The following PRIM2 variants were observed in gnomAD, a reference collection of about 807,000 sequenced individuals.
PRIM2 encodes the protein DNA primase large subunit.
Under a neutral mutation model 67.3 loss-of-function variants are expected in PRIM2, and 39 were observed. The ratio of observed to expected loss-of-function variants is 0.58; its 90% CI spans 0.45 to 0.76. The LOEUF (loss-of-function observed/expected upper bound fraction) is 0.76, where lower values mean the gene tolerates loss of function less well. Ranked by LOEUF, PRIM2 falls within the 30% of genes least tolerant of loss-of-function variation. PRIM2 has a pLI of 0.00. For synonymous variants in PRIM2, 143 were observed against 198.7 expected, an observed-to-expected ratio of 0.72 and a Z score of 2.36; for missense variants, 398 against 598.7, an observed-to-expected ratio of 0.66 and a Z score of 3.50.
intron 7 of PRIM2, among the ~76,000 whole-genome samples, chr6:57,410,331 C>CAAAAAAAA (rs66631802): frequency 9.5e-6 from 1 of 105,380 alleles, no homozygotes; most frequent in Admixed American, 1.1e-4. Context: ...AACGCCATCT[C>CAAAAAAAA]AAAAAAAAAA....
At chr6:57,475,112 A>G (rs2127403376) in intron 7 of PRIM2, among the ~76,000 whole-genome samples, 1 of 152,288 alleles carries the variant, frequency 6.6e-6, no homozygotes, top group African/African-American at 2.4e-5. Flanking sequence ...AACAATTAAT[A>G]TGTTTCCTCT....
intron 6 of PRIM2, 91 bp from the exon 7 acceptor site, chr6:57,381,940 A>G: frequency 7.5e-7 from 1 of 1,337,900 alleles, no homozygotes; most frequent in Admixed American, 2.6e-5. Flanking sequence ...AGGACTAATG[A>G]ATTTCTTTGT....
intron 8 of PRIM2, among the ~76,000 whole-genome samples, chr6:57,511,461 A>C (rs1774365483): frequency 6.6e-6 from 1 of 151,894 alleles, no homozygotes; most frequent in Non-Finnish European, 1.5e-5. Flanking sequence ...CAAGTTATAA[A>C]ATTTGTATCA....
intron 7 of PRIM2, among the ~76,000 whole-genome samples, chr6:57,469,188 G>T (rs1472341704): frequency 6.6e-5 from 10 of 152,172 alleles, no homozygotes; most frequent in Admixed American, 1.3e-4. Context: ...CCAAGTGAAG[G>T]GCCATCCTGA....
intron 13 of PRIM2, among the ~76,000 whole-genome samples, chr6:57,641,081 G>A (rs1298655188): frequency 6.6e-6 from 1 of 151,740 alleles, no homozygotes; most frequent in Non-Finnish European, 1.5e-5. Context: ...CAGAAATAAT[G>A]CCACAGATCT....
Position 57,524,590 on chromosome 6 carries a change from A to G in PRIM2, c.762-7821A>G, listed in dbSNP as rs1320210635. On this transcript the variant is annotated intron_variant, in intron 8 of 13. Transcript: ENST00000615550. ...GTGGCACGTGCATGTAATCCCAGCT[A>G]CTCGGGAGGCTGAGGCAGGAGAATC... 4.6e-5 allele frequency among the ~76,000 whole-genome samples: 7 copies of G among 151,970 alleles called. No homozygotes were observed. The East Asian group carries it at 1.4e-3, about 29-fold the overall frequency.
chr6:57,394,597 C>A (rs1581859574), intron 7 of PRIM2, among the ~76,000 whole-genome samples: 1 of 152,100 alleles, frequency 6.6e-6, no homozygotes, highest in African/African-American at 2.4e-5. Context: ...GGTAAACGAT[C>A]ATAACGCCAG....
chr6:57,285,653 C>G, the PRIM2 span, among the ~76,000 whole-genome samples: 1 of 152,068 alleles, frequency 6.6e-6, no homozygotes, highest in Non-Finnish European at 1.5e-5. Context: ...ATGACAAAAC[C>G]ATAGACAATA....
chr6:57,530,145 G>T (rs1386337587), intron 8 of PRIM2, among the ~76,000 whole-genome samples: 7 of 152,314 alleles, frequency 4.6e-5, no homozygotes, highest in South Asian at 2.1e-4. Context: ...GGACAGATAT[G>T]CAAACCATAG....
At chr6:57,532,570 T>C (rs1314520781) in intron 9 of PRIM2, 87 bp downstream of exon 9, 1 of 485,810 alleles carries the variant, frequency 2.1e-6, no homozygotes, top group Non-Finnish European at 3.6e-6. Context: ...GGTGAGGAGA[T>C]AGAATATTAT....
intron 5 of PRIM2, among the ~76,000 whole-genome samples, chr6:57,346,882 T>C (rs1038925426): frequency 1.2e-4 from 18 of 152,170 alleles, no homozygotes; most frequent in Admixed American, 3.3e-4. Context: ...AGTAGTTGCG[T>C]AACAAATCCA....
At chr6:57,307,068 A>G in the PRIM2 span, among the ~76,000 whole-genome samples, 1 of 151,060 alleles carries the variant, frequency 6.6e-6, no homozygotes, top group Non-Finnish European at 1.5e-5. Flanking sequence ...GCGTGGTGGC[A>G]TGTGCCTGTA....
chr6:57,493,941 C>T (rs1773950102), intron 7 of PRIM2: 1 of 152,172 alleles, frequency 6.6e-6, no homozygotes, highest in South Asian at 2.1e-4. Flanking sequence ...CCATCAAACA[C>T]TATCAGTGTG....
At chr6:57,226,435 A>G in the PRIM2 span, among the ~76,000 whole-genome samples, 1 of 152,222 alleles carries the variant, frequency 6.6e-6, no homozygotes, top group Non-Finnish European at 1.5e-5. Context: ...GCAGCAAACA[A>G]TTCACTGGGT....
the PRIM2 span, among the ~76,000 whole-genome samples, chr6:57,283,830 T>C: frequency 6.6e-6 from 1 of 152,142 alleles, no homozygotes; most frequent in Non-Finnish European, 1.5e-5. Flanking sequence ...AAATTATAGG[T>C]AATATATTCT....
At chr6:57,245,120 C>T in the PRIM2 span, among the ~76,000 whole-genome samples, 5 of 152,088 alleles carry the variant, frequency 3.3e-5, no homozygotes, top group Non-Finnish European at 5.9e-5. Flanking sequence ...CATTTGCCCC[C>T]ACCAGTCTAG....
chr6:57,326,516 T>C (rs968439141), intron 5 of PRIM2: 4 of 152,468 alleles, frequency 2.6e-5, no homozygotes, highest in African/African-American at 9.7e-5. Context: ...AGGTCAAAAG[T>C]GCGAGACCAT....
intron 10 of PRIM2, among the ~76,000 whole-genome samples, chr6:57,580,649 C>T (rs1256778294): frequency 6.6e-6 from 1 of 152,164 alleles, no homozygotes; most frequent in Non-Finnish European, 1.5e-5. Context: ...TCCTCCAGGG[C>T]ATCTCTGGAA....
chr6:57,636,983 G>A (rs1368551646), intron 13 of PRIM2, among the ~76,000 whole-genome samples: 3 of 152,300 alleles, frequency 2.0e-5, no homozygotes, highest in East Asian at 1.9e-4. Context: ...AGCAGGGGCC[G>A]ACAGACATCT....
Sources: allele counts gnomAD v4.1 joint callset (sites outside exome capture counted in the v4.1 genomes callset), GRCh38; gene constraint gnomAD v4.1.1; transcripts MANE v1.5; gene names NCBI Gene and HGNC (gene_info 2026-07-23, HGNC 2026-07-21).